FLT1: variants seen among roughly 807,000 people sequenced by gnomAD.
The protein encoded by FLT1 is fms related receptor tyrosine kinase 1.
FLT1 carries 49 observed loss-of-function variants against 156.3 expected under a neutral mutation model. That is an observed-to-expected ratio of 0.31 (90% CI 0.25 to 0.40). FLT1 has a LOEUF of 0.40. Among genes scored for constraint, FLT1 ranks in the 10% least tolerant of loss-of-function variants. The pLI is 1.00. For synonymous variants in FLT1, 594 were observed against 583.8 expected, an observed-to-expected ratio of 1.02 and a Z score of -0.25; for missense variants, 1,322 against 1,637.2, an observed-to-expected ratio of 0.81 and a Z score of 3.32.
At chr13:28,387,855 C>T (rs1874461769) in intron 13 of FLT1, 3 of 1,037,230 alleles carry the variant, frequency 2.9e-6, no homozygotes, top group South Asian at 4.7e-5. Flanking sequence ...ACACAGTGAA[C>T]AACTAATACT....
At position 28,322,898 on chromosome 13, in the gene FLT1, G is replaced by C. The variant is rs2138832242; in HGVS notation, c.2845C>G (p.Leu949Val). The C allele has an allele frequency of 1.9e-6, 3 of 1,614,100 alleles. No homozygotes were observed. The highest frequency in any genetic ancestry group is 2.5e-6 in the Non-Finnish European group (3 of 1,180,042). ...EPKKEKMEPG[L>V]EQGKKPRLDS... ...AGTCTTGGTTTCTTGCCTTGTTCCA[G>C]GCCTGGCTCCATTTTTTCTTTCTTA... Residue 949 changes from leucine to valine, a missense_variant, in exon 21 of 30, where the codon CTG (leucine) becomes GTG (valine). Coordinates refer to ENST00000282397, the MANE Select transcript of FLT1 (RefSeq NM_002019.4). The surrounding 1 kb of genome is among the most constrained non-coding windows in gnomAD (Gnocchi z 4.3).
chr13:28,457,899 T>C (rs186259583), intron 3 of FLT1, among the ~76,000 whole-genome samples: 5 of 151,876 alleles, frequency 3.3e-5, no homozygotes, highest in Admixed American at 3.3e-4. Flanking sequence ...TTCATTGCCA[T>C]CTTTAGATTT....
chr13:28,396,672 G>T (rs961281985), intron 12 of FLT1: 1 of 517,228 alleles, frequency 1.9e-6, no homozygotes, highest in African/African-American at 1.9e-5. Flanking sequence ...CCTGTGCTAG[G>T]TACTGAAGGG....
chr13:28,417,863 C>G (rs1876752275), intron 10 of FLT1, among the ~76,000 whole-genome samples: 1 of 152,004 alleles, frequency 6.6e-6, no homozygotes, highest in Admixed American at 6.5e-5. Flanking sequence ...GCCTCTATGT[C>G]CCCATTTCAT....
intron 1 of FLT1, among the ~76,000 whole-genome samples, chr13:28,468,685 G>A (rs1320452118): frequency 2.0e-5 from 3 of 152,124 alleles, no homozygotes; most frequent in Admixed American, 2.0e-4. Context: ...CTGAAAGTGT[G>A]TGGCACCTCC....
chr13:28,373,955 T>C (rs529733663), intron 14 of FLT1, among the ~76,000 whole-genome samples: 1 of 152,344 alleles, frequency 6.6e-6, no homozygotes, highest in South Asian at 2.1e-4. Flanking sequence ...GCTGCTGATC[T>C]TGGCCATGTT....
At chr13:28,373,100 T>C (rs1358968295) in intron 14 of FLT1, among the ~76,000 whole-genome samples, 1 of 152,156 alleles carries the variant, frequency 6.6e-6, no homozygotes, top group East Asian at 1.9e-4. Flanking sequence ...TTTATGACAA[T>C]TTACAATTTT....
intron 11 of FLT1, among the ~76,000 whole-genome samples, chr13:28,400,120 C>T (rs1425870361): frequency 6.6e-6 from 1 of 152,228 alleles, no homozygotes; most frequent in East Asian, 1.9e-4. Context: ...CGCCTTGAGA[C>T]TCTTTAAGTT....
chr13:28,452,534 C>T (rs1297567293), intron 3 of FLT1, among the ~76,000 whole-genome samples: 3 of 152,224 alleles, frequency 2.0e-5, no homozygotes, highest in Non-Finnish European at 2.9e-5. Context: ...TTCCTAGATG[C>T]GTGGGGACTA....
intron 10 of FLT1, among the ~76,000 whole-genome samples, chr13:28,408,153 A>G (rs1199659144): frequency 6.6e-6 from 1 of 152,212 alleles, no homozygotes; most frequent in Admixed American, 6.5e-5. Context: ...GGGATACCTT[A>G]GTCAAAGATC....
chr13:28,342,945 T>TC (rs1491258111), intron 16 of FLT1, among the ~76,000 whole-genome samples: 8 of 47,676 alleles, frequency 1.7e-4, no homozygotes, highest in South Asian at 1.3e-3. Flanking sequence ...TCTTTCTTTC[T>TC]TTCTCTCTCT....
intron 3 of FLT1, among the ~76,000 whole-genome samples, chr13:28,460,375 C>G (rs930752542): frequency 2.0e-5 from 3 of 152,174 alleles, no homozygotes; most frequent in Non-Finnish European, 4.4e-5. Context: ...AACTGGGGGA[C>G]TTCACAATTG....
At chr13:28,493,173 C>G (rs942905863) in intron 1 of FLT1, among the ~76,000 whole-genome samples, 6 of 152,100 alleles carry the variant, frequency 3.9e-5, no homozygotes, top group Admixed American at 2.0e-4. Flanking sequence ...ACTTTTCCCT[C>G]CGTAATTTTA....
intron 5 of FLT1, 49 bp downstream of exon 5, chr13:28,434,009 A>C: frequency 6.2e-7 from 1 of 1,613,930 alleles, no homozygotes; most frequent in Admixed American, 1.7e-5. Flanking sequence ...ACACAGATAA[A>C]AATACAGAGC....
chr13:28,478,564 A>G (rs1389336767), intron 1 of FLT1, among the ~76,000 whole-genome samples: 1 of 152,222 alleles, frequency 6.6e-6, no homozygotes, highest in Non-Finnish European at 1.5e-5. Flanking sequence ...GGGAATTGGA[A>G]CTTTTAAATT....
chr13:28,487,808 T>G (rs1881248942), intron 1 of FLT1, among the ~76,000 whole-genome samples: 1 of 152,100 alleles, frequency 6.6e-6, no homozygotes, highest in South Asian at 2.1e-4. Context: ...GGTGAAAACC[T>G]GGCTATTTAA....
In FLT1 at chr13:28,302,681, C is replaced by T. The variant is rs894522859; in HGVS notation, c.*486G>A. The T allele has an allele frequency of 5.5e-5, 13 of 235,370 alleles. No individual in the cohort carries two copies. The highest frequency in any genetic ancestry group is 2.6e-4 in the African/African-American group (12 of 45,332). 14.6% of individuals were successfully genotyped at this position (235,370 alleles called of 1,614,324 possible). On this transcript the variant is annotated 3_prime_UTR_variant, in exon 30 of 30. Transcript: ENST00000282397. ...TTTCTCTTTTCTCCCTTGCTTTTTG[C>T]TTTTTTTCCTTTTCCTCCTCACATG... is the stretch of plus-strand genomic sequence containing the variant.
chr13:28,413,821 G>T (rs1352917381), intron 10 of FLT1, among the ~76,000 whole-genome samples: 1 of 152,216 alleles, frequency 6.6e-6, no homozygotes, highest in Non-Finnish European at 1.5e-5. Flanking sequence ...GGAATCACAG[G>T]TTAGCATAAG....
At chr13:28,417,688 A>G (rs1256769599) in intron 10 of FLT1, among the ~76,000 whole-genome samples, 2 of 142,230 alleles carry the variant, frequency 1.4e-5, no homozygotes, top group East Asian at 4.2e-4. Flanking sequence ...TTTTTTTGAG[A>G]TGGGGGTCCT....
Sources: allele counts gnomAD v4.1 joint callset (sites outside exome capture counted in the v4.1 genomes callset), GRCh38; gene constraint gnomAD v4.1.1; non-coding constraint Gnocchi (gnomAD v3.1); transcripts MANE v1.5; gene names NCBI Gene and HGNC (gene_info 2026-07-23, HGNC 2026-07-21).